ADK: variants seen among roughly 807,000 people sequenced by gnomAD.
ADK encodes adenosine kinase, also known as N6,N6-dimethyladenosine kinase.
In ADK, 24 loss-of-function variants were observed where a neutral mutation model predicts 44.7. That is an observed-to-expected ratio of 0.54 (90% confidence interval 0.39 to 0.76). ADK has a LOEUF of 0.76. ADK is among the 30% of genes least tolerant of loss of function. ADK has a pLI of 0.00. For synonymous variants in ADK, 128 were observed against 142.6 expected (o/e 0.90, Z 0.73); for missense variants, 321 against 425.1 (o/e 0.76, Z 2.15).
chr10:74,449,542 T>C (rs760084299), intron 6 of ADK, among the ~76,000 whole-genome samples: 16 of 152,226 alleles, frequency 1.1e-4, no homozygotes, highest in Non-Finnish European at 1.6e-4. Context: ...GTGCCTATTA[T>C]ATCTTTTTAT....
chr10:74,263,351 G>A (rs747097371), intron 3 of ADK, among the ~76,000 whole-genome samples: 3 of 152,186 alleles, frequency 2.0e-5, no homozygotes, highest in African/African-American at 4.8e-5. Flanking sequence ...TTAGTAAGCT[G>A]TGTGAGATGG....
chr10:74,589,843 T>C (rs1303148453), intron 8 of ADK, among the ~76,000 whole-genome samples: 2 of 152,242 alleles, frequency 1.3e-5, no homozygotes, highest in African/African-American at 2.4e-5. Flanking sequence ...ACTTACTCTT[T>C]GAACCTATCT....
intron 7 of ADK, among the ~76,000 whole-genome samples, chr10:74,560,527 C>G (rs1432979449): frequency 6.6e-6 from 1 of 152,150 alleles, no homozygotes; most frequent in African/African-American, 2.4e-5. Context: ...TGATTAGCAG[C>G]TAATTCTGAA....
At chr10:74,286,495 T>C (rs1299949518) in intron 3 of ADK, among the ~76,000 whole-genome samples, 2 of 152,254 alleles carry the variant, frequency 1.3e-5, no homozygotes, top group African/African-American at 2.4e-5. Flanking sequence ...CTTAGCTATC[T>C]AGTTAAATAT....
chr10:74,262,809 AACTC>A (rs1168027595), intron 3 of ADK, among the ~76,000 whole-genome samples: 1 of 152,234 alleles, frequency 6.6e-6, no homozygotes, highest in African/African-American at 2.4e-5. Context: ...AATATTGACT[AACTC>A]AAGAAAACTT....
At chr10:74,626,094 T>C (rs1406614471) in intron 9 of ADK, among the ~76,000 whole-genome samples, 1 of 152,158 alleles carries the variant, frequency 6.6e-6, no homozygotes, top group Non-Finnish European at 1.5e-5. Context: ...TAATAGACTC[T>C]AGAAATAGAT....
chr10:74,472,115 G>C (rs544012129), intron 6 of ADK, among the ~76,000 whole-genome samples: 2 of 152,252 alleles, frequency 1.3e-5, no homozygotes, highest in African/African-American at 4.8e-5. Context: ...TAAGGCAGGA[G>C]AATCACGAGT....
chr10:74,190,420 C>CCTGGGCACA (rs1429257958), intron 1 of ADK, among the ~76,000 whole-genome samples: 1 of 152,156 alleles, frequency 6.6e-6, no homozygotes. Flanking sequence ...TGCCCATAGG[C>CCTGGGCACA]CTGGGCACAC....
At chr10:74,277,279 T>C (rs544432245) in intron 3 of ADK, among the ~76,000 whole-genome samples, 14 of 152,248 alleles carry the variant, frequency 9.2e-5, no homozygotes, top group Non-Finnish European at 1.6e-4. Context: ...ATTTCTAAGA[T>C]GAGCACTTAA....
chr10:74,426,120 AATTTG>A (rs1564715031), intron 6 of ADK, among the ~76,000 whole-genome samples: 1 of 152,128 alleles, frequency 6.6e-6, no homozygotes, highest in Non-Finnish European at 1.5e-5. Context: ...ATTTTTATAT[AATTTG>A]CATTATATCT....
intron 1 of ADK, chr10:74,176,551 G>T: frequency 7.6e-7 from 1 of 1,311,082 alleles, no homozygotes; most frequent in Non-Finnish European, 9.7e-7. Flanking sequence ...ACGGGACGCT[G>T]TTACTAGGAC....
chr10:74,210,871 T>A (rs1216087165), intron 2 of ADK, among the ~76,000 whole-genome samples: 1 of 152,210 alleles, frequency 6.6e-6, no homozygotes, highest in East Asian at 1.9e-4. Context: ...TGTAAACTGC[T>A]CTGACACTTT....
At chr10:74,495,363 T>A (rs1847646195) in intron 6 of ADK, among the ~76,000 whole-genome samples, 1 of 152,112 alleles carries the variant, frequency 6.6e-6, no homozygotes, top group Non-Finnish European at 1.5e-5. Context: ...CTGGTAATGC[T>A]GGTAGTGCAT....
At chr10:74,312,082 C>T (rs1479661791) in intron 3 of ADK, among the ~76,000 whole-genome samples, 1 of 152,120 alleles carries the variant, frequency 6.6e-6, no homozygotes, top group Non-Finnish European at 1.5e-5. Context: ...AGGAGAATCA[C>T]TTGAACCAGG....
chr10:74,621,489 G>A (rs1306033395), intron 9 of ADK, among the ~76,000 whole-genome samples: 1 of 152,040 alleles, frequency 6.6e-6, no homozygotes, highest in African/African-American at 2.4e-5. Flanking sequence ...CATATATTTT[G>A]AAGTCTGATA....
At position 74,373,053 on chromosome 10, in the gene ADK, A is replaced by T. The variant is rs1372911992; in HGVS notation, c.274-21088A>T. On this transcript the variant is annotated intron_variant, in intron 4 of 10. Coordinates refer to ENST00000539909, the MANE Select transcript of ADK (RefSeq NM_006721.4). ...CACATTTATGGTAACCTGTCTTTCT[A>T]TAAGTGTGCCATGGCATAAAGAATA... Among the ~76,000 whole-genome samples the T allele has an allele frequency of 2.0e-5, 3 of 152,146 alleles. No homozygotes were observed. The East Asian group carries it at 5.8e-4, about 29-fold the overall frequency.
intron 6 of ADK, among the ~76,000 whole-genome samples, chr10:74,426,403 A>G (rs796282168): frequency 3.9e-5 from 6 of 152,358 alleles, no homozygotes; most frequent in African/African-American, 1.2e-4. Flanking sequence ...TCTGGAACAT[A>G]CAATAGACTA....
At chr10:74,685,968 T>C (rs564268225) in intron 10 of ADK, among the ~76,000 whole-genome samples, 11 of 152,222 alleles carry the variant, frequency 7.2e-5, no homozygotes, top group Admixed American at 5.2e-4. Context: ...TTTGTTTGTT[T>C]TGGTTTTTTT....
chr10:74,364,834 G>A (rs925194603), intron 4 of ADK, among the ~76,000 whole-genome samples: 2 of 151,812 alleles, frequency 1.3e-5, no homozygotes, highest in African/African-American at 4.8e-5. Flanking sequence ...TTATCTTCCT[G>A]GGAGTTTTAC....
Sources: allele counts gnomAD v4.1 joint callset (sites outside exome capture counted in the v4.1 genomes callset), GRCh38; gene constraint gnomAD v4.1.1; transcripts MANE v1.5; gene names NCBI Gene and HGNC (gene_info 2026-07-23, HGNC 2026-07-21).